Variants in NELL1 observed in about 807,000 individuals in gnomAD.
NELL1 encodes the protein neural EGFL like 1.
Under a neutral mutation model 107.4 loss-of-function variants are expected in NELL1, and 76 were observed. That is an observed-to-expected ratio of 0.71 (90% CI 0.59 to 0.86). The LOEUF is 0.86. Among genes scored for constraint, NELL1 ranks in the 40% least tolerant of loss-of-function variants. The probability of loss-of-function intolerance (pLI) is 0.00; values close to 1 mark genes in which losing one functional copy is unlikely to be tolerated. For missense variants in NELL1, 1,024 were observed against 1,005.5 expected (o/e 1.02, Z -0.25); for synonymous variants, 353 against 341.2 (o/e 1.03, Z -0.38).
rs117613302 is a variant in NELL1 at position 20,746,806 on chromosome 11, C to T, written c.185-36874C>T. Among the ~76,000 whole-genome samples the T allele has an allele frequency of 1.7e-3, 256 of 152,238 alleles. 1 individual carries two copies. Among genetic ancestry groups the T allele is most frequent in the Admixed American group, 4.9e-3 (75 of 15,292 alleles). On this transcript the variant is annotated intron_variant, in intron 2 of 19. Transcript: ENST00000357134. ...GGTAAGTGGAAATCCAGGATGTGTA[C>T]GATACACAGCTTCCCAGGTAGTTTG... is the stretch of plus-strand genomic sequence containing the variant.
chr11:21,566,977 G>T (rs1856987582), intron 17 of NELL1, among the ~76,000 whole-genome samples: 1 of 151,784 alleles, frequency 6.6e-6, no homozygotes, highest in Non-Finnish European at 1.5e-5. Context: ...ACTAACCCTG[G>T]AGGCTATCCA....
chr11:21,202,334 T>G (rs1275940601), intron 13 of NELL1, among the ~76,000 whole-genome samples: 1 of 152,244 alleles, frequency 6.6e-6, no homozygotes, highest in Non-Finnish European at 1.5e-5. Flanking sequence ...GGGATTAAAC[T>G]TCTTCCTGAT....
chr11:21,539,957 G>A (rs1011064226), intron 16 of NELL1, among the ~76,000 whole-genome samples: 5 of 151,886 alleles, frequency 3.3e-5, no homozygotes. Context: ...TGCCTGTGAC[G>A]GGACATCACA....
intron 2 of NELL1, among the ~76,000 whole-genome samples, chr11:20,748,911 C>G (rs2403622): frequency 1.4e-5 from 2 of 143,926 alleles, no homozygotes; most frequent in Non-Finnish European, 3.0e-5. Flanking sequence ...CACCCAGCCA[C>G]CCATCCATCC....
At chr11:20,952,910 G>C (rs1851096960) in intron 11 of NELL1, among the ~76,000 whole-genome samples, 1 of 152,114 alleles carries the variant, frequency 6.6e-6, no homozygotes, top group African/African-American at 2.4e-5. Flanking sequence ...GTGAGAGTCG[G>C]GAGTTCAGTC....
chr11:21,223,839 G>T (rs544923764), intron 13 of NELL1, among the ~76,000 whole-genome samples: 1 of 152,084 alleles, frequency 6.6e-6, no homozygotes, highest in East Asian at 1.9e-4. Flanking sequence ...AGCTTTTCTC[G>T]TAGATCAGGT....
chr11:21,490,271 G>C (rs900084242), intron 15 of NELL1, among the ~76,000 whole-genome samples: 1 of 151,896 alleles, frequency 6.6e-6, no homozygotes, highest in African/African-American at 2.4e-5. Flanking sequence ...GCGAAACACT[G>C]ATGAAAGAAA....
At chr11:20,693,448 T>C (rs1284755527) in intron 2 of NELL1, among the ~76,000 whole-genome samples, 1 of 152,166 alleles carries the variant, frequency 6.6e-6, no homozygotes, top group Non-Finnish European at 1.5e-5. Context: ...CCACATTTAG[T>C]GCTTCCTTCA....
At chr11:21,016,714 T>C (rs1364544534) in intron 12 of NELL1, among the ~76,000 whole-genome samples, 10 of 152,122 alleles carry the variant, frequency 6.6e-5, no homozygotes, top group Admixed American at 6.5e-4. Context: ...CCCACCTGTA[T>C]ATTGATCATT....
At chr11:21,248,722 G>A (rs754723992) in intron 14 of NELL1, among the ~76,000 whole-genome samples, 3 of 152,106 alleles carry the variant, frequency 2.0e-5, no homozygotes, top group Non-Finnish European at 2.9e-5. Context: ...ACCCGTGCTC[G>A]CTTTCAGTCC....
At chr11:21,524,599 A>C (rs923409953) in intron 15 of NELL1, among the ~76,000 whole-genome samples, 13 of 152,274 alleles carry the variant, frequency 8.5e-5, no homozygotes, top group Admixed American at 2.6e-4. Context: ...ATGTAAAGCA[A>C]CCACTCGAGA....
chr11:21,561,122 G>T (rs1177918405), intron 17 of NELL1, among the ~76,000 whole-genome samples: 1 of 152,044 alleles, frequency 6.6e-6, no homozygotes, highest in African/African-American at 2.4e-5. Context: ...TGCCTGGTAT[G>T]TCTATGTCTG....
intron 12 of NELL1, among the ~76,000 whole-genome samples, chr11:21,039,072 T>C (rs1853163887): frequency 6.6e-6 from 1 of 152,126 alleles, no homozygotes; most frequent in East Asian, 1.9e-4. Flanking sequence ...GATAAGGGGT[T>C]GAAGTGACAC....
intron 5 of NELL1, among the ~76,000 whole-genome samples, chr11:20,886,401 C>T (rs1179979960): frequency 6.6e-6 from 1 of 151,966 alleles, no homozygotes; most frequent in Non-Finnish European, 1.5e-5. Context: ...GGCAATATGG[C>T]AGACTAGATA....
chr11:20,753,134 C>T (rs1856180222), intron 2 of NELL1, among the ~76,000 whole-genome samples: 1 of 152,092 alleles, frequency 6.6e-6, no homozygotes, highest in Non-Finnish European at 1.5e-5. Flanking sequence ...AATCCTGAGC[C>T]CAGATGAATC....
At chr11:21,479,456 T>C (rs1854433495) in intron 15 of NELL1, among the ~76,000 whole-genome samples, 1 of 152,172 alleles carries the variant, frequency 6.6e-6, no homozygotes, top group Non-Finnish European at 1.5e-5. Context: ...AAACTTCTCA[T>C]ATTCTCACTT....
intron 4 of NELL1, among the ~76,000 whole-genome samples, chr11:20,874,345 G>A (rs1241629499): frequency 6.6e-6 from 1 of 152,232 alleles, no homozygotes; most frequent in African/African-American, 2.4e-5. Context: ...TGGGATTACA[G>A]GTATGAGCCA....
At chr11:21,527,572 T>G (rs1374071667) in intron 15 of NELL1, among the ~76,000 whole-genome samples, 2 of 152,142 alleles carry the variant, frequency 1.3e-5, no homozygotes, top group Non-Finnish European at 2.9e-5. Context: ...AATGGGAGTT[T>G]ATTAGGAGAA....
intron 14 of NELL1, among the ~76,000 whole-genome samples, chr11:21,301,535 A>G (rs1221884532): frequency 1.3e-5 from 2 of 152,060 alleles, no homozygotes; most frequent in Non-Finnish European, 2.9e-5. Flanking sequence ...TGGCTGCACA[A>G]ATGTCTTCTT....
Sources: gnomAD v4.1 joint callset for allele counts (sites outside exome capture counted in the v4.1 genomes callset) on GRCh38, gnomAD v4.1.1 for gene constraint, MANE v1.5 for transcripts, NCBI Gene and HGNC (gene_info 2026-07-23, HGNC 2026-07-21) for gene names.